Variants in DCBLD1 observed in about 807,000 individuals in gnomAD.
DCBLD1 encodes the protein discoidin, CUB and LCCL domain containing 1.
DCBLD1 carries 57 observed loss-of-function variants against 71.5 expected under a neutral mutation model. The observed-to-expected ratio is 0.80, with a 90% CI of 0.64 to 0.99. The LOEUF is 0.99. DCBLD1 is among the 50% of genes least tolerant of loss of function. The pLI is 0.00. For synonymous variants in DCBLD1, 380 were observed against 363.8 expected (o/e 1.04, Z -0.51); for missense variants, 891 against 923.5 (o/e 0.96, Z 0.46).
In DCBLD1 at chr6:117,545,548, T is replaced by C. The variant is rs754871260; in HGVS notation, c.1566T>C (p.Asn522=). ...QSAEFTISYD[N]EKEMTQKLDL... ...CTGAGTTTACCATCAGCTATGATAA[T>C]GAGAAGGAGATGACACAAAAGTTAG... is the stretch of plus-strand genomic sequence containing the variant. Residue 522 remains asparagine (N), a synonymous_variant, in exon 14 of 15, where the codon AAT becomes AAC. Coordinates refer to ENST00000338728, the MANE Select transcript of DCBLD1 (RefSeq NM_001366458.2). 3 of 1,614,152 alleles carry C rather than the reference T, an allele frequency of 1.9e-6. No homozygotes were observed. The highest frequency in any genetic ancestry group is 2.5e-6 in the Non-Finnish European group (3 of 1,180,020).
At chr6:117,542,308 A>AG (rs5879426) in intron 11 of DCBLD1, among the ~76,000 whole-genome samples, 2 of 150,956 alleles carry the variant, frequency 1.3e-5, no homozygotes, top group African/African-American at 4.8e-5. Context: ...AAAAAAAAAA[A>AG]GAAAAAGAAG....
intron 1 of DCBLD1, among the ~76,000 whole-genome samples, chr6:117,492,112 A>G (rs777845632): frequency 5.3e-5 from 8 of 152,192 alleles, no homozygotes; most frequent in Non-Finnish European, 7.3e-5. Context: ...ATGAGTTACA[A>G]GTAATCTTTG....
At chr6:117,517,802 C>CA (rs1366363453) in intron 2 of DCBLD1, among the ~76,000 whole-genome samples, 1 of 152,184 alleles carries the variant, frequency 6.6e-6, no homozygotes, top group Non-Finnish European at 1.5e-5. Flanking sequence ...GGACACAAGA[C>CA]ACCAAGTTCC....
chr6:117,523,821 G>A (rs1222533143), intron 4 of DCBLD1, among the ~76,000 whole-genome samples: 1 of 152,200 alleles, frequency 6.6e-6, no homozygotes, highest in African/African-American at 2.4e-5. Flanking sequence ...TCTGGAATCT[G>A]TTTGGGCTGG....
chr6:117,564,156 T>G (rs1287991157), intron 14 of DCBLD1, among the ~76,000 whole-genome samples: 1 of 152,068 alleles, frequency 6.6e-6, no homozygotes, highest in African/African-American at 2.4e-5. Context: ...TTTTAAAAAT[T>G]TTTTTGAAGA....
chr6:117,535,434 CA>C (rs1399013489), intron 6 of DCBLD1, among the ~76,000 whole-genome samples: 2 of 152,184 alleles, frequency 1.3e-5, no homozygotes, highest in African/African-American at 4.8e-5. Context: ...GTGAATGCTT[CA>C]GAACCCTAAC....
chr6:117,532,527 T>C, intron 6 of DCBLD1, 134 bp downstream of exon 6: 5 of 1,154,296 alleles, frequency 4.3e-6, no homozygotes, highest in Non-Finnish European at 5.9e-6. Flanking sequence ...TATGCATGAG[T>C]GCTTAGAGCA....
intron 2 of DCBLD1, among the ~76,000 whole-genome samples, chr6:117,518,111 C>G (rs1778266015): frequency 6.6e-6 from 1 of 152,166 alleles, no homozygotes; most frequent in South Asian, 2.1e-4. Context: ...TTAACAGTAC[C>G]CAAGTTACCT....
intron 1 of DCBLD1, among the ~76,000 whole-genome samples, chr6:117,497,244 A>G (rs1777503220): frequency 6.6e-6 from 1 of 152,224 alleles, no homozygotes; most frequent in Non-Finnish European, 1.5e-5. Flanking sequence ...CTCCACCCAA[A>G]TCATTTTCCA....
intron 2 of DCBLD1, among the ~76,000 whole-genome samples, chr6:117,516,326 A>G (rs1778196728): frequency 6.6e-6 from 1 of 151,250 alleles, no homozygotes; most frequent in African/African-American, 2.4e-5. Flanking sequence ...ATGCCACTGC[A>G]CTCCAGCCTG....
intron 4 of DCBLD1, among the ~76,000 whole-genome samples, chr6:117,522,329 A>G (rs1014682438): frequency 1.3e-5 from 2 of 152,214 alleles, no homozygotes; most frequent in Admixed American, 6.5e-5. Flanking sequence ...TGTGATAACC[A>G]AGAATGTCTC....
intron 2 of DCBLD1, among the ~76,000 whole-genome samples, chr6:117,519,544 A>G (rs1778314733): frequency 6.6e-6 from 1 of 152,190 alleles, no homozygotes; most frequent in Admixed American, 6.5e-5. Context: ...TCTTCTTTTT[A>G]CAAAAAACAA....
At chr6:117,563,993 T>C (rs910582730) in intron 14 of DCBLD1, among the ~76,000 whole-genome samples, 1 of 151,726 alleles carries the variant, frequency 6.6e-6, no homozygotes, top group Non-Finnish European at 1.5e-5. Flanking sequence ...CTTTTTTTTT[T>C]CTGAGACAGG....
At chr6:117,540,460 A>G (rs1779052521) in intron 9 of DCBLD1, 2 of 539,430 alleles carry the variant, frequency 3.7e-6, no homozygotes, top group Non-Finnish European at 3.2e-6. Context: ...TGAAATTTAA[A>G]TCAGTAAACA....
At chr6:117,499,437 A>G (rs1441146299) in intron 1 of DCBLD1, among the ~76,000 whole-genome samples, 2 of 151,960 alleles carry the variant, frequency 1.3e-5, no homozygotes, top group African/African-American at 4.8e-5. Context: ...GAGAAAAAGC[A>G]TACAGGATAA....
chr6:117,483,929 G>C (rs1446663817), intron 1 of DCBLD1, among the ~76,000 whole-genome samples: 2 of 151,932 alleles, frequency 1.3e-5, no homozygotes, highest in Non-Finnish European at 2.9e-5. Context: ...CTGAAACATT[G>C]ATACTCGAGA....
intron 2 of DCBLD1, among the ~76,000 whole-genome samples, chr6:117,517,101 A>G (rs1057407396): frequency 6.6e-6 from 1 of 152,254 alleles, no homozygotes; most frequent in African/African-American, 2.4e-5. Context: ...ATCTGAGACA[A>G]GGCAAGTCCC....
At chr6:117,518,821 A>G (rs1297503345) in intron 2 of DCBLD1, among the ~76,000 whole-genome samples, 1 of 152,122 alleles carries the variant, frequency 6.6e-6, no homozygotes, top group Non-Finnish European at 1.5e-5. Flanking sequence ...GGAATTCAAG[A>G]TGAGATTTAG....
chr6:117,546,722 C>G (rs970884708), intron 14 of DCBLD1, among the ~76,000 whole-genome samples: 7 of 152,090 alleles, frequency 4.6e-5, no homozygotes, highest in African/African-American at 9.7e-5. Flanking sequence ...CCTAAACAGT[C>G]CCACACCCTC....
Sources: allele counts gnomAD v4.1 joint callset (sites outside exome capture counted in the v4.1 genomes callset), GRCh38; gene constraint gnomAD v4.1.1; transcripts MANE v1.5; gene names NCBI Gene and HGNC (gene_info 2026-07-23, HGNC 2026-07-21).